TSNARE1: variants seen among roughly 807,000 people sequenced by gnomAD.
TSNARE1 encodes the protein t-SNARE domain containing 1, also known as t-SNARE domain-containing protein 1.
A neutral mutation model predicts 62.0 loss-of-function variants in TSNARE1; 49 were observed. The ratio of observed to expected loss-of-function variants is 0.79; its 90% confidence interval spans 0.63 to 1.00. TSNARE1 has a LOEUF of 1.00. Ranked by LOEUF, TSNARE1 falls within the 50% of genes least tolerant of loss-of-function variation. TSNARE1 has a pLI of 0.00. For synonymous variants in TSNARE1, 328 were observed against 294.4 expected (o/e 1.11, Z -1.17); for missense variants, 755 against 700.1 (o/e 1.08, Z -0.88).
At chr8:142,312,561 G>A (rs1293941327) in intron 9 of TSNARE1, among the ~76,000 whole-genome samples, 4 of 152,138 alleles carry the variant, frequency 2.6e-5, no homozygotes, top group Non-Finnish European at 4.4e-5. Context: ...CTCCTCCTGG[G>A]TGGGCCTTAA....
At chr8:142,385,382 C>A (rs1837044584) in intron 1 of TSNARE1, among the ~76,000 whole-genome samples, 1 of 152,186 alleles carries the variant, frequency 6.6e-6, no homozygotes, top group South Asian at 2.1e-4. Flanking sequence ...CTCAGCCAAT[C>A]AAAAGCTGAC....
intron 13 of TSNARE1, among the ~76,000 whole-genome samples, chr8:142,223,067 C>CTCAT (rs1816514849): frequency 1.1e-5 from 1 of 91,884 alleles, no homozygotes; most frequent in Non-Finnish European, 2.2e-5. Context: ...CATTCACTTA[C>CTCAT]TCGCTCATAC....
chr8:142,261,072 GAGA>G (rs1294217042), intron 12 of TSNARE1, among the ~76,000 whole-genome samples: 4 of 122,920 alleles, frequency 3.3e-5, no homozygotes, highest in African/African-American at 3.3e-5. Flanking sequence ...CAGGAGGGAG[GAGA>G]GAGGAAAGGA....
chr8:142,236,053 C>T (rs1001437674), intron 12 of TSNARE1, among the ~76,000 whole-genome samples: 3 of 152,138 alleles, frequency 2.0e-5, no homozygotes, highest in Non-Finnish European at 4.4e-5. Flanking sequence ...GCAAGGACTC[C>T]GCAGCCAGGC....
chr8:142,239,611 G>T (rs752328203), intron 12 of TSNARE1, among the ~76,000 whole-genome samples: 1 of 152,264 alleles, frequency 6.6e-6, no homozygotes, highest in Non-Finnish European at 1.5e-5. Context: ...TTCAGGAGGC[G>T]TGGAAAGTGA....
rs1397162859 is a variant in TSNARE1 at position 142,272,569 on chromosome 8, C to T, written c.1446+2212G>A. 3 of 578,782 alleles carry T rather than the reference C, an allele frequency of 5.2e-6. 1 individual carries two copies. The highest frequency in any genetic ancestry group is 5.9e-6 in the Non-Finnish European group (3 of 506,292). The allele number at this position is 578,782 out of a possible 1,614,324, so 35.9% of individuals were successfully genotyped here. A position where few individuals can be genotyped will look rare whatever the true frequency, so the allele number is the denominator to read the frequency against. On this transcript the variant is annotated intron_variant, in intron 12 of 13. Transcript: ENST00000524325. ...TGTCTACACCTTCCTTCCATCCACC[C>T]ACCCGTCTACACCTTCCTCCTTCCA...
chr8:142,323,807 C>T (rs1043372021), intron 6 of TSNARE1, among the ~76,000 whole-genome samples: 2 of 152,212 alleles, frequency 1.3e-5, no homozygotes, highest in Non-Finnish European at 2.9e-5. Context: ...GTGCCCCTCC[C>T]GCTTGTGTCT....
chr8:142,282,773 T>A (rs376837315), intron 11 of TSNARE1, among the ~76,000 whole-genome samples: 1 of 107,128 alleles, frequency 9.3e-6, no homozygotes, highest in Non-Finnish European at 1.8e-5. Context: ...TGTCTGCCAA[T>A]GAGCAGAGGC....
In TSNARE1 at chr8:142,327,846, C is replaced by T. The variant is rs138477969; in HGVS notation, c.893+3055G>A. Among the ~76,000 whole-genome samples, 269 of 152,326 alleles carry T rather than the reference C, an allele frequency of 1.8e-3. 1 individual carries two copies. The highest frequency in any genetic ancestry group is 0.017 in the Middle Eastern group (5 of 294). On this transcript the variant is annotated intron_variant, in intron 6 of 13. Transcript: ENST00000524325. ...GGGCCAGGAAGGAGAGCACACCTCA[C>T]GCGGAGCAGCAGCCCAGCTCACCCA...
chr8:142,387,007 A>G (rs1011511625), intron 1 of TSNARE1, among the ~76,000 whole-genome samples: 3 of 152,156 alleles, frequency 2.0e-5, no homozygotes, highest in Non-Finnish European at 4.4e-5. Flanking sequence ...CAAAAACTCA[A>G]TCCTCTTTTC....
intron 6 of TSNARE1, among the ~76,000 whole-genome samples, chr8:142,324,868 T>A (rs1302059077): frequency 6.6e-6 from 1 of 152,220 alleles, no homozygotes; most frequent in African/African-American, 2.4e-5. Context: ...TCTGTCCGTG[T>A]TCCTAGTGAC....
chr8:142,255,233 A>G (rs1320701326), intron 12 of TSNARE1, among the ~76,000 whole-genome samples: 2 of 151,952 alleles, frequency 1.3e-5, no homozygotes, highest in Admixed American at 6.6e-5. Context: ...TGCCCTATGC[A>G]GTGCCTAGTA....
chr8:142,345,046 C>T (rs983922960), intron 3 of TSNARE1, among the ~76,000 whole-genome samples: 1 of 152,228 alleles, frequency 6.6e-6, no homozygotes, highest in Non-Finnish European at 1.5e-5. Flanking sequence ...GACGTGGTGG[C>T]CTGGTCGGCA....
chr8:142,252,749 G>T (rs974700558), intron 12 of TSNARE1, among the ~76,000 whole-genome samples: 3 of 152,200 alleles, frequency 2.0e-5, no homozygotes, highest in Non-Finnish European at 4.4e-5. Flanking sequence ...ATTCTTGTGT[G>T]CAACAGTTTG....
At chr8:142,277,266 A>G (rs1433273784) in intron 11 of TSNARE1, 1 of 985,272 alleles carries the variant, frequency 1.0e-6, no homozygotes, top group Non-Finnish European at 1.2e-6. Flanking sequence ...ACTAGGCCAG[A>G]GGCCTCCAGG....
At chr8:142,393,416 T>C (rs1288893229) in intron 1 of TSNARE1, among the ~76,000 whole-genome samples, 1 of 152,240 alleles carries the variant, frequency 6.6e-6, no homozygotes, top group East Asian at 1.9e-4. Flanking sequence ...ACCTCTGGCA[T>C]GGCGGCCGCG....
chr8:142,298,951 C>T (rs986115017), intron 10 of TSNARE1, among the ~76,000 whole-genome samples: 2 of 152,234 alleles, frequency 1.3e-5, no homozygotes, highest in African/African-American at 4.8e-5. Context: ...CATCTCTGTG[C>T]TTCGGGTGGT....
intron 13 of TSNARE1, among the ~76,000 whole-genome samples, chr8:142,218,272 G>A (rs572830155): frequency 7.9e-4 from 40 of 50,412 alleles, no homozygotes; most frequent in African/African-American, 1.8e-3. Context: ...TCAGGGTGTG[G>A]CCAGGGTCAG....
At chr8:142,394,257 C>T (rs1837742412) in intron 1 of TSNARE1, among the ~76,000 whole-genome samples, 1 of 152,340 alleles carries the variant, frequency 6.6e-6, no homozygotes, top group South Asian at 2.1e-4. Context: ...AGGTGCTCTG[C>T]CCATCGGACC....
Sources: allele counts gnomAD v4.1 joint callset (sites outside exome capture counted in the v4.1 genomes callset), GRCh38; gene constraint gnomAD v4.1.1; transcripts MANE v1.5; gene names NCBI Gene and HGNC (gene_info 2026-07-23, HGNC 2026-07-21).